CAMTA1: variants seen among roughly 807,000 people sequenced by gnomAD.
The protein encoded by CAMTA1 is calmodulin-binding transcription activator 1.
In CAMTA1, 27 loss-of-function variants were observed where a neutral mutation model predicts 170.9. That is an observed-to-expected ratio of 0.16 (90% CI 0.12 to 0.22). The LOEUF is 0.22. Among genes scored for constraint, CAMTA1 ranks in the 10% least tolerant of loss-of-function variants. CAMTA1 has a pLI of 1.00. For synonymous variants in CAMTA1, 833 were observed against 891.5 expected (o/e 0.93, Z 1.17); for missense variants, 1,619 against 2,217.2 (o/e 0.73, Z 5.42).
At chr1:7,312,335 C>T (rs889258218) in intron 5 of CAMTA1, among the ~76,000 whole-genome samples, 1 of 152,052 alleles carries the variant, frequency 6.6e-6, no homozygotes, top group Non-Finnish European at 1.5e-5. Context: ...GGGATTTCTT[C>T]TGCTCTCTTT....
chr1:6,958,813 G>A (rs1689907324), intron 3 of CAMTA1, among the ~76,000 whole-genome samples: 1 of 152,094 alleles, frequency 6.6e-6, no homozygotes, highest in Non-Finnish European at 1.5e-5. Flanking sequence ...GCTTTATAAA[G>A]CCCAGCCTTG....
At chr1:6,810,545 G>T (rs1033270296) in intron 1 of CAMTA1, among the ~76,000 whole-genome samples, 20 of 152,200 alleles carry the variant, frequency 1.3e-4, no homozygotes, top group Admixed American at 2.0e-4. Context: ...GGTGGCTCAT[G>T]CCTGTAATCC....
chr1:7,706,467 G>A lies in CAMTA1; in HGVS notation c.2915-25981G>A, dbSNP rs368994401. 2.0e-5 allele frequency among the ~76,000 whole-genome samples: 3 copies of A among 152,170 alleles called. No homozygotes were observed. The South Asian group carries it at 6.2e-4, about 32-fold the overall frequency. ...TTCCCTGCAGAATCTGTGTCTTATC[G>A]AGAAACTATTGCTGGGAACCGGATC... On this transcript the variant is annotated intron_variant, in intron 11 of 22. Transcript: ENST00000303635.
intron 4 of CAMTA1, among the ~76,000 whole-genome samples, chr1:7,232,296 C>CG (rs201539243): frequency 1 from 152,048 of 152,228 alleles, 75,934 homozygotes; most frequent in Middle Eastern, 1. Flanking sequence ...ACGGCTGCCC[C>CG]GGCTTCTCAG....
At position 7,641,186 on chromosome 1, in the gene CAMTA1, G is replaced by A. The variant is rs2095757635; in HGVS notation, c.664+633G>A. 1.3e-5 allele frequency among the ~76,000 whole-genome samples: 2 copies of A among 152,226 alleles called. No individual in the cohort carries two copies. Among genetic ancestry groups the A allele is most frequent in the African/African-American group, 2.4e-5 (1 of 41,462 alleles). On this transcript the variant is annotated intron_variant, in intron 7 of 22. Coordinates refer to ENST00000303635, the MANE Select transcript of CAMTA1 (RefSeq NM_015215.4). The surrounding 1 kb of genome is among the most constrained non-coding windows in gnomAD (Gnocchi z 4.5). ...GCCACAGCTCCCGGCAGCCGCTGGC[G>A]GCTCTCAGTGGCTTCTCCTGCCCCC...
rs747291220 is a variant in CAMTA1, at chr1:7,752,672, G to T, written c.4958+139G>T. The T allele has an allele frequency of 1.4e-5, 9 of 633,250 alleles. No individual in the cohort carries two copies. In the African/African-American group the frequency reaches 1.7e-4, roughly 12 times the overall value. 39.2% of individuals were successfully genotyped at this position (633,250 alleles called of 1,614,324 possible). On this transcript the variant is annotated intron_variant, in intron 21 of 22. Transcript: ENST00000303635. ...CAGACGTCCCAAATTACAATAGGGCGGTAGAGCTCTTTAACTAGGGATCAG... is the reference window on the plus strand; with the variant it reads ...CAGACGTCCCAAATTACAATAGGGCTGTAGAGCTCTTTAACTAGGGATCAG...
chr1:7,409,326 A>T (rs1346043875), intron 5 of CAMTA1, among the ~76,000 whole-genome samples: 2 of 152,146 alleles, frequency 1.3e-5, no homozygotes, highest in Admixed American at 6.5e-5. Flanking sequence ...TCAGCCCAAG[A>T]TGTCCGGAGA....
chr1:7,394,579 T>A (rs889807690), intron 5 of CAMTA1, among the ~76,000 whole-genome samples: 4 of 152,206 alleles, frequency 2.6e-5, no homozygotes, highest in African/African-American at 9.7e-5. Flanking sequence ...TCCTTATACA[T>A]TCTGGATATT....
In CAMTA1 at chr1:7,150,572, A is replaced by T. The variant is rs773196594; in HGVS notation, c.302+59201A>T. On this transcript the variant is annotated intron_variant, in intron 4 of 22. Coordinates refer to ENST00000303635, the MANE Select transcript of CAMTA1 (RefSeq NM_015215.4). ...AGCATCCCTGGTTTCCACCCACTAG[A>T]TGCCAATAGCACCCCCGACAACCAA... is the stretch of plus-strand genomic sequence containing the variant. Among the ~76,000 whole-genome samples, 6 of 151,944 alleles carry T rather than the reference A, an allele frequency of 3.9e-5. 1 individual carries two copies. The highest frequency in any genetic ancestry group is 8.8e-5 in the Non-Finnish European group (6 of 67,996).
At position 7,592,680 on chromosome 1, in the gene CAMTA1, C is replaced by T. The variant is rs75092612; in HGVS notation, c.511-47720C>T. Among the ~76,000 whole-genome samples, 22 of 152,150 alleles carry T rather than the reference C, an allele frequency of 1.4e-4. No individual in the cohort carries two copies. Among genetic ancestry groups the T allele is most frequent in the Middle Eastern group, 3.4e-3 (1 of 294 alleles). On this transcript the variant is annotated intron_variant, in intron 6 of 22. Transcript: ENST00000303635. The surrounding 1 kb of genome is among the most constrained non-coding windows in gnomAD (Gnocchi z 4.6). ...GCCTCTGGGAGGCTTTGGGTCAGGT[C>T]GGAAGCTTGTCTGTGCCCTGAACAT...
chr1:7,188,350 C>CTGAA (rs2148930927), intron 4 of CAMTA1, among the ~76,000 whole-genome samples: 1 of 152,368 alleles, frequency 6.6e-6, no homozygotes, highest in African/African-American at 2.4e-5. Flanking sequence ...CCATTTTCCA[C>CTGAA]TGTACCATTC....
At chr1:7,337,802 G>A (rs1475354281) in intron 5 of CAMTA1, among the ~76,000 whole-genome samples, 3 of 152,174 alleles carry the variant, frequency 2.0e-5, no homozygotes, top group African/African-American at 7.2e-5. Context: ...CAACCTAGAA[G>A]CGCTGCCTGA....
At chr1:7,077,134 AG>A (rs1639396700) in intron 3 of CAMTA1, among the ~76,000 whole-genome samples, 1 of 151,422 alleles carries the variant, frequency 6.6e-6, no homozygotes, top group Non-Finnish European at 1.5e-5. Flanking sequence ...TAAGGATTTG[AG>A]GCATTTGCTA....
intron 3 of CAMTA1, among the ~76,000 whole-genome samples, chr1:6,926,401 T>C: frequency 6.9e-6 from 1 of 144,334 alleles, no homozygotes; most frequent in African/African-American, 2.6e-5. Context: ...CCTTCCTCCC[T>C]CCCTCCTCTC....
intron 4 of CAMTA1, among the ~76,000 whole-genome samples, chr1:7,207,406 A>G (rs892140361): frequency 3.9e-5 from 6 of 152,244 alleles, no homozygotes; most frequent in Non-Finnish European, 8.8e-5. Context: ...ATCATATTAT[A>G]TTACAAATTC....
At chr1:7,424,558 C>A (rs1029747253) in intron 5 of CAMTA1, among the ~76,000 whole-genome samples, 1 of 152,102 alleles carries the variant, frequency 6.6e-6, no homozygotes, top group African/African-American at 2.4e-5. Flanking sequence ...GCAGCCACGT[C>A]CTGGCCTGAA....
intron 4 of CAMTA1, among the ~76,000 whole-genome samples, chr1:7,230,823 C>T (rs980856289): frequency 1.5e-4 from 23 of 152,124 alleles, no homozygotes; most frequent in African/African-American, 4.8e-4. Context: ...GGACTGGCGC[C>T]CGCAATGTCT....
At chr1:7,604,543 G>A (rs923400870) in intron 6 of CAMTA1, among the ~76,000 whole-genome samples, 1 of 152,062 alleles carries the variant, frequency 6.6e-6, no homozygotes, top group Non-Finnish European at 1.5e-5. Flanking sequence ...GGTCCTTTAA[G>A]GCTTTCTCTG....
At chr1:7,253,220 A>G (rs913321698) in intron 5 of CAMTA1, among the ~76,000 whole-genome samples, 5 of 152,136 alleles carry the variant, frequency 3.3e-5, no homozygotes, top group African/African-American at 7.2e-5. Flanking sequence ...GAGCTTTGGG[A>G]GTGGGAGACT....
Sources: allele counts gnomAD v4.1 joint callset (sites outside exome capture counted in the v4.1 genomes callset), GRCh38; gene constraint gnomAD v4.1.1; non-coding constraint Gnocchi (gnomAD v3.1); transcripts MANE v1.5; gene names NCBI Gene and HGNC (gene_info 2026-07-23, HGNC 2026-07-21).